ELOVL6: variants seen among roughly 807,000 people sequenced by gnomAD.
The protein encoded by ELOVL6 is very long chain fatty acid elongase 6.
In ELOVL6, 8 loss-of-function variants were observed where a neutral mutation model predicts 31.7. The ratio of observed to expected loss-of-function variants is 0.25; its 90% CI spans 0.15 to 0.45. ELOVL6 has a LOEUF of 0.45. Ranked by LOEUF, ELOVL6 falls within the 20% of genes least tolerant of loss-of-function variation. The pLI is 1.00. For missense variants in ELOVL6, 126 were observed against 326.4 expected (o/e 0.39, Z 4.73); for synonymous variants, 101 against 117.7 (o/e 0.86, Z 0.92).
At position 110,057,255 on chromosome 4, in the gene ELOVL6, A is replaced by T. The variant is rs539817543; in HGVS notation, c.373+2348T>A. On this transcript the variant is annotated intron_variant, in intron 3 of 3. Transcript: ENST00000302274. ...GCTGCTTTTTTGTGATCTGAGGCTT[A>T]AAGGTCGGAAGTCCAGTCTCCAGCC... Among the ~76,000 whole-genome samples the T allele has an allele frequency of 2.8e-3, 419 of 152,194 alleles. 1 individual carries two copies. Among genetic ancestry groups the T allele is most frequent in the Non-Finnish European group, 4.7e-3 (321 of 68,022 alleles).
intron 1 of ELOVL6, among the ~76,000 whole-genome samples, chr4:110,177,433 T>C (rs1759141937): frequency 6.6e-6 from 1 of 151,862 alleles, no homozygotes; most frequent in Non-Finnish European, 1.5e-5. Context: ...TGAAACATTG[T>C]TTCTTAAAAA....
chr4:110,178,076 T>G (rs1360258175), intron 1 of ELOVL6, among the ~76,000 whole-genome samples: 2 of 152,174 alleles, frequency 1.3e-5, no homozygotes, highest in Non-Finnish European at 1.5e-5. Flanking sequence ...AAGAGTGAGA[T>G]GCATCTCCTC....
At chr4:110,195,854 G>A (rs1759760365) in intron 1 of ELOVL6, among the ~76,000 whole-genome samples, 1 of 152,162 alleles carries the variant, frequency 6.6e-6, no homozygotes, top group South Asian at 2.1e-4. Flanking sequence ...TCAAGAGTGG[G>A]ATGACAAGAA....
At chr4:110,070,346 T>A (rs1445076507) in intron 2 of ELOVL6, among the ~76,000 whole-genome samples, 2 of 152,230 alleles carry the variant, frequency 1.3e-5, no homozygotes, top group Non-Finnish European at 2.9e-5. Flanking sequence ...AATACATGTA[T>A]TCACAGTAAA....
intron 1 of ELOVL6, among the ~76,000 whole-genome samples, chr4:110,143,247 A>C (rs1758013522): frequency 6.6e-6 from 1 of 152,168 alleles, no homozygotes; most frequent in Non-Finnish European, 1.5e-5. Context: ...TGAGATTTTC[A>C]CACAAATTAG....
intron 2 of ELOVL6, among the ~76,000 whole-genome samples, chr4:110,073,664 T>A (rs1035526593): frequency 6.6e-6 from 1 of 152,188 alleles, no homozygotes; most frequent in African/African-American, 2.4e-5. Flanking sequence ...CTATGAAATG[T>A]AAGCATTGAG....
At chr4:110,070,456 T>C (rs1325766963) in intron 2 of ELOVL6, among the ~76,000 whole-genome samples, 1 of 152,244 alleles carries the variant, frequency 6.6e-6, no homozygotes, top group South Asian at 2.1e-4. Context: ...TATTAATCTC[T>C]TTCAGGGCAT....
intron 1 of ELOVL6, among the ~76,000 whole-genome samples, chr4:110,191,063 C>T (rs1031023598): frequency 3.3e-5 from 5 of 152,238 alleles, no homozygotes; most frequent in Non-Finnish European, 7.4e-5. Flanking sequence ...AAGTGATCCG[C>T]CTGCCTCGGC....
intron 1 of ELOVL6, among the ~76,000 whole-genome samples, chr4:110,184,143 GAGATC>G (rs1466251879): frequency 6.6e-6 from 1 of 152,182 alleles, no homozygotes; most frequent in Admixed American, 6.6e-5. Flanking sequence ...TCTTAAAAAT[GAGATC>G]AGATGAAGAG....
chr4:110,089,499 GTACA>G (rs1334014794), intron 2 of ELOVL6, among the ~76,000 whole-genome samples: 3 of 152,142 alleles, frequency 2.0e-5, no homozygotes, highest in Non-Finnish European at 4.4e-5. Flanking sequence ...AGGGATGACT[GTACA>G]TACAGACAGC....
At chr4:110,090,963 T>C (rs1282573772) in intron 2 of ELOVL6, among the ~76,000 whole-genome samples, 1 of 152,188 alleles carries the variant, frequency 6.6e-6, no homozygotes, top group Non-Finnish European at 1.5e-5. Context: ...TTTTACCTTA[T>C]GTGTGAATGC....
At chr4:110,183,871 A>C (rs1759368293) in intron 1 of ELOVL6, among the ~76,000 whole-genome samples, 1 of 152,272 alleles carries the variant, frequency 6.6e-6, no homozygotes, top group Admixed American at 6.5e-5. Flanking sequence ...GGTCCCAGCT[A>C]TTTGGAAGGC....
At chr4:110,176,037 T>TA (rs35412689) in intron 1 of ELOVL6, among the ~76,000 whole-genome samples, 4,305 of 143,782 alleles carry the variant, frequency 0.03, 177 homozygotes, top group African/African-American at 0.096. Flanking sequence ...AGTGGTGAGT[T>TA]AAAAAAAAAA....
At position 110,198,438 on chromosome 4, in the gene ELOVL6, C is replaced by T. The variant is rs1225589778; in HGVS notation, c.-103G>A. The T allele has an allele frequency of 5.6e-6, 4 of 713,766 alleles. No homozygotes were observed. The highest frequency in any genetic ancestry group is 2.2e-5 in the Admixed American group (1 of 45,282). 44.2% of individuals were successfully genotyped at this position (713,766 alleles called of 1,614,324 possible). On this transcript the variant is annotated 5_prime_UTR_variant, in exon 1 of 4. Transcript: ENST00000302274. ...CTCCTGTCTGCTTCCCCCACCCACC[C>T]CCCTAGGTCTTCCCCACGCCGCTCG...
chr4:110,184,778 A>G (rs573849704), intron 1 of ELOVL6, among the ~76,000 whole-genome samples: 1 of 152,322 alleles, frequency 6.6e-6, no homozygotes, highest in Non-Finnish European at 1.5e-5. Flanking sequence ...CTGGTCCCAC[A>G]TAGATGACAA....
Position 110,058,557 on chromosome 4 carries a change from G to A in ELOVL6, c.373+1046C>T, listed in dbSNP as rs1300678851. 2.0e-5 allele frequency among the ~76,000 whole-genome samples: 3 copies of A among 152,254 alleles called. 1 individual carries two copies. The highest frequency in any genetic ancestry group is 4.1e-4 in the South Asian group (2 of 4,822). On this transcript the variant is annotated intron_variant, in intron 3 of 3. Coordinates refer to ENST00000302274, the MANE Select transcript of ELOVL6 (RefSeq NM_024090.3). Reference sequence around the variant, plus strand: ...CATTCTATCTGAATGGACACGGGGCGTGAACAAGGGGCACCTTACAGAAGA... The same window carrying A: ...CATTCTATCTGAATGGACACGGGGCATGAACAAGGGGCACCTTACAGAAGA...
chr4:110,142,144 C>T (rs997746321), intron 1 of ELOVL6, among the ~76,000 whole-genome samples: 1 of 138,688 alleles, frequency 7.2e-6, no homozygotes, highest in Non-Finnish European at 1.5e-5. Flanking sequence ...GATCTCGGCT[C>T]ACTGCAAGCT....
chr4:110,143,336 TATA>T (rs954570367), intron 1 of ELOVL6, among the ~76,000 whole-genome samples: 1 of 152,280 alleles, frequency 6.6e-6, no homozygotes, highest in African/African-American at 2.4e-5. Context: ...ATATTAGATG[TATA>T]ATATTTATCA....
intron 1 of ELOVL6, among the ~76,000 whole-genome samples, chr4:110,151,105 C>T (rs983204672): frequency 6.6e-6 from 1 of 151,726 alleles, no homozygotes; most frequent in Admixed American, 6.6e-5. Context: ...AATTTCAGCA[C>T]CTTTTAATTG....
Sources: gnomAD v4.1 joint callset for allele counts (sites outside exome capture counted in the v4.1 genomes callset) on GRCh38, gnomAD v4.1.1 for gene constraint, MANE v1.5 for transcripts, NCBI Gene and HGNC (gene_info 2026-07-23, HGNC 2026-07-21) for gene names.